Variants in SCHIP1 observed in about 807,000 individuals in gnomAD.
SCHIP1 encodes schwannomin-interacting protein 1.
In SCHIP1, 8 loss-of-function variants were observed where a neutral mutation model predicts 29.7. That is an observed-to-expected ratio of 0.27 (90% CI 0.16 to 0.49). The LOEUF (loss-of-function observed/expected upper bound fraction) is 0.49. SCHIP1 is among the 20% of genes least tolerant of loss of function. The pLI, the probability that SCHIP1 is intolerant of heterozygous loss-of-function variation, is 0.99. For missense variants in SCHIP1, 193 were observed against 294.6 expected (o/e 0.66, Z 2.52); for synonymous variants, 76 against 94.9 (o/e 0.80, Z 1.16).
the SCHIP1 span, among the ~76,000 whole-genome samples, chr3:159,763,092 G>A: frequency 8.5e-5 from 13 of 152,236 alleles, no homozygotes; most frequent in South Asian, 2.3e-3. Context: ...CGTGCAGCCC[G>A]GAGGGGAAGG....
chr3:159,494,754 T>A, the SCHIP1 span, among the ~76,000 whole-genome samples: 3 of 152,206 alleles, frequency 2.0e-5, no homozygotes, highest in Admixed American at 1.3e-4. Flanking sequence ...ACTCATTTTT[T>A]TAGGCCAGCA....
the SCHIP1 span, among the ~76,000 whole-genome samples, chr3:159,456,621 C>T: frequency 1.3e-5 from 2 of 152,058 alleles, no homozygotes; most frequent in Non-Finnish European, 2.9e-5. Context: ...AGGAAGAGGG[C>T]GGAAGAGCAC....
chr3:159,398,556 C>A, the SCHIP1 span, among the ~76,000 whole-genome samples: 260 of 152,208 alleles, frequency 1.7e-3, 1 homozygote, highest in African/African-American at 6.1e-3. Flanking sequence ...AGACTGGATT[C>A]CGGGGGAACA....
the SCHIP1 span, among the ~76,000 whole-genome samples, chr3:159,495,240 C>T: frequency 6.6e-6 from 1 of 152,144 alleles, no homozygotes; most frequent in Non-Finnish European, 1.5e-5. Context: ...CAACCTAGTG[C>T]TGGAAGTTCT....
chr3:159,471,237 A>C, the SCHIP1 span, among the ~76,000 whole-genome samples: 1 of 152,166 alleles, frequency 6.6e-6, no homozygotes, highest in African/African-American at 2.4e-5. Flanking sequence ...AAAGCAAAAG[A>C]AATAAAGCAG....
At chr3:159,423,317 G>T in the SCHIP1 span, among the ~76,000 whole-genome samples, 1 of 152,242 alleles carries the variant, frequency 6.6e-6, no homozygotes. Context: ...AGAAAGGGGT[G>T]ACAGACGGCA....
At chr3:159,456,879 G>A in the SCHIP1 span, among the ~76,000 whole-genome samples, 1 of 152,090 alleles carries the variant, frequency 6.6e-6, no homozygotes, top group Non-Finnish European at 1.5e-5. Context: ...TAAAGATCAT[G>A]ATTTTTAATA....
chr3:159,599,285 T>G, the SCHIP1 span, among the ~76,000 whole-genome samples: 2 of 152,212 alleles, frequency 1.3e-5, no homozygotes, highest in Non-Finnish European at 2.9e-5. Flanking sequence ...AATAGGTTTT[T>G]GGGGAACAAG....
At chr3:159,495,213 C>A in the SCHIP1 span, among the ~76,000 whole-genome samples, 2 of 152,182 alleles carry the variant, frequency 1.3e-5, no homozygotes, top group African/African-American at 4.8e-5. Flanking sequence ...GGGATGCCCT[C>A]TTTCACCACT....
At chr3:159,543,569 A>C in the SCHIP1 span, among the ~76,000 whole-genome samples, 50 of 151,700 alleles carry the variant, frequency 3.3e-4, 1 homozygote, top group African/African-American at 1.1e-3. Flanking sequence ...ATGGCTGCAT[A>C]GTATTCCATG....
chr3:159,283,443 A>G, the SCHIP1 span, among the ~76,000 whole-genome samples: 3 of 151,966 alleles, frequency 2.0e-5, no homozygotes, highest in Non-Finnish European at 4.4e-5. Flanking sequence ...GGCGTGAACC[A>G]TCATGCCCGG....
At chr3:159,715,903 C>A in the SCHIP1 span, among the ~76,000 whole-genome samples, 2 of 152,146 alleles carry the variant, frequency 1.3e-5, no homozygotes, top group African/African-American at 4.8e-5. Flanking sequence ...GAGAGAATGC[C>A]ACAAAGATAC....
the SCHIP1 span, among the ~76,000 whole-genome samples, chr3:159,304,034 C>T: frequency 6.8e-6 from 1 of 147,630 alleles, no homozygotes; most frequent in Non-Finnish European, 1.5e-5. Flanking sequence ...CACAGCAGGC[C>T]CCAGAGTGCG....
chr3:159,550,058 C>CTAAA, the SCHIP1 span, among the ~76,000 whole-genome samples: 3 of 147,800 alleles, frequency 2.0e-5, no homozygotes, highest in Non-Finnish European at 4.5e-5. Context: ...CTGTTTTTCT[C>CTAAA]TTATCTTAAG....
chr3:159,368,011 TCTAA>T, the SCHIP1 span, among the ~76,000 whole-genome samples: 2 of 152,168 alleles, frequency 1.3e-5, no homozygotes, highest in African/African-American at 4.8e-5. Context: ...ATTCCAACTT[TCTAA>T]CTATTGTCTA....
the SCHIP1 span, among the ~76,000 whole-genome samples, chr3:159,650,756 A>G: frequency 1.3e-5 from 2 of 152,234 alleles, no homozygotes; most frequent in Non-Finnish European, 2.9e-5. Flanking sequence ...ACTGAAAGTC[A>G]TGCAGCCATT....
exon 7 of SCHIP1, chr3:159,896,726 T>C (rs376292438): frequency 1.2e-6 from 2 of 1,603,974 alleles, no homozygotes; most frequent in African/African-American, 1.3e-5. Context: ...TTTACAGACA[T>C]GCTGAAAGTC....
At chr3:159,891,948 C>T (rs1458893045) in intron 5 of SCHIP1, 149 bp from the exon 7 acceptor site, 6 of 820,884 alleles carry the variant, frequency 7.3e-6, no homozygotes, top group Non-Finnish European at 1.1e-5. Context: ...AAACTAGACA[C>T]GTTTCTGCAA....
chr3:159,362,691 G>T, the SCHIP1 span, among the ~76,000 whole-genome samples: 2 of 152,010 alleles, frequency 1.3e-5, no homozygotes, highest in Non-Finnish European at 2.9e-5. Flanking sequence ...TAGAGTACAG[G>T]CCAGGATTTC....
Sources: gnomAD v4.1 joint callset for allele counts (sites outside exome capture counted in the v4.1 genomes callset) on GRCh38, gnomAD v4.1.1 for gene constraint, MANE v1.5 for transcripts, NCBI Gene and HGNC (gene_info 2026-07-23, HGNC 2026-07-21) for gene names.